The following ERC2 variants were observed in gnomAD, a reference collection of about 807,000 sequenced individuals.
ERC2 encodes the protein ELKS/RAB6-interacting/CAST family member 2, also known as ERC protein 2.
In ERC2, 42 loss-of-function variants were observed where a neutral mutation model predicts 114.8. That is an observed-to-expected ratio of 0.37 (90% CI 0.29 to 0.47). The LOEUF (loss-of-function observed/expected upper bound fraction) is 0.47. Among genes scored for constraint, ERC2 ranks in the 20% least tolerant of loss-of-function variants. ERC2 has a pLI of 0.99. For synonymous variants in ERC2, 454 were observed against 425.5 expected, an observed-to-expected ratio of 1.07 and a Z score of -0.82; for missense variants, 939 against 1,150.7, an observed-to-expected ratio of 0.82 and a Z score of 2.66.
chr3:56,065,835 G>C (rs1028726225), intron 7 of ERC2, among the ~76,000 whole-genome samples: 7 of 152,080 alleles, frequency 4.6e-5, no homozygotes, highest in Non-Finnish European at 1.0e-4. Flanking sequence ...TGCTGAGGAT[G>C]ATGGCTTCCA....
intron 14 of ERC2, among the ~76,000 whole-genome samples, chr3:55,832,739 C>T (rs371772081): frequency 1.1e-3 from 171 of 152,314 alleles, no homozygotes; most frequent in Non-Finnish European, 2.1e-3. Context: ...TCACCAGCAA[C>T]GGAACAAAGC....
intron 17 of ERC2, among the ~76,000 whole-genome samples, chr3:55,545,946 T>C (rs112546132): frequency 0.025 from 3,856 of 152,212 alleles, 83 homozygotes; most frequent in Middle Eastern, 0.058. Context: ...GTGCCTTCCT[T>C]AGGGTCCCTG....
chr3:55,610,186 T>C (rs1030252548), intron 17 of ERC2, among the ~76,000 whole-genome samples: 2 of 151,716 alleles, frequency 1.3e-5, no homozygotes, highest in Non-Finnish European at 2.9e-5. Flanking sequence ...AGGATATTCC[T>C]GGCCTCTACC....
chr3:55,681,334 A>G (rs996017879), intron 17 of ERC2, among the ~76,000 whole-genome samples: 4 of 152,244 alleles, frequency 2.6e-5, no homozygotes, highest in African/African-American at 9.6e-5. Context: ...GAGCCTTCCG[A>G]TGCTATTATG....
At chr3:55,670,445 G>A (rs1221836122) in intron 17 of ERC2, among the ~76,000 whole-genome samples, 1 of 152,214 alleles carries the variant, frequency 6.6e-6, no homozygotes, top group Non-Finnish European at 1.5e-5. Flanking sequence ...CCCTTCCCAT[G>A]AGGGGAGTTT....
chr3:56,290,189 G>C (rs1246744066), intron 3 of ERC2, among the ~76,000 whole-genome samples: 1 of 152,130 alleles, frequency 6.6e-6, no homozygotes, highest in Non-Finnish European at 1.5e-5. Flanking sequence ...TCCAAACATA[G>C]AGCAATGATG....
chr3:55,905,090 C>A (rs1424924494), intron 13 of ERC2, among the ~76,000 whole-genome samples: 1 of 152,122 alleles, frequency 6.6e-6, no homozygotes, highest in East Asian at 1.9e-4. Flanking sequence ...GTTTCACGTT[C>A]TTCTTTTTGA....
At chr3:55,714,653 G>GTATATATATA (rs2063973974) in intron 15 of ERC2, among the ~76,000 whole-genome samples, 2 of 68,016 alleles carry the variant, frequency 2.9e-5, no homozygotes, top group Non-Finnish European at 5.2e-5. Flanking sequence ...GTGTGTGTGT[G>GTATATATATA]TGTGTGTGTG....
intron 17 of ERC2, among the ~76,000 whole-genome samples, chr3:55,663,178 T>A (rs2148713213): frequency 6.6e-6 from 1 of 152,288 alleles, no homozygotes; most frequent in East Asian, 1.9e-4. Context: ...AGATTTGGAA[T>A]TAGACAATCG....
intron 17 of ERC2, among the ~76,000 whole-genome samples, chr3:55,571,355 T>G (rs904343663): frequency 6.6e-6 from 1 of 152,024 alleles, no homozygotes; most frequent in Non-Finnish European, 1.5e-5. Context: ...GTAAACAATT[T>G]TGACTTGGAG....
chr3:55,854,056 C>T (rs2061683901), intron 14 of ERC2, among the ~76,000 whole-genome samples: 2 of 152,160 alleles, frequency 1.3e-5, no homozygotes, highest in African/African-American at 2.4e-5. Context: ...GGGCCGATCA[C>T]CTGAGGTAAG....
At position 55,520,179 on chromosome 3, in the gene ERC2, G is replaced by A. The variant is rs191402236; in HGVS notation, c.*40-8903C>T. Among the ~76,000 whole-genome samples, 10 of 152,184 alleles carry A rather than the reference G, an allele frequency of 6.6e-5. 1 individual carries two copies. In the East Asian group the frequency reaches 1.9e-3, roughly 29 times the overall value. ...TCAAGAAACAAAAAGGCAGCCAGGC[G>A]CAGTGGCACACACCTGTAATCCTAG... On this transcript the variant is annotated intron_variant, in intron 17 of 17. Transcript: ENST00000288221.
chr3:56,186,633 G>A (rs904623223), intron 3 of ERC2, among the ~76,000 whole-genome samples: 2 of 152,082 alleles, frequency 1.3e-5, no homozygotes, highest in Non-Finnish European at 2.9e-5. Context: ...CTGCCTCCTG[G>A]GTTCAGGTGA....
intron 17 of ERC2, among the ~76,000 whole-genome samples, chr3:55,645,868 G>A (rs1226227003): frequency 6.6e-6 from 1 of 152,152 alleles, no homozygotes; most frequent in East Asian, 1.9e-4. Flanking sequence ...TCTACGGTTA[G>A]TACAAACTGG....
chr3:56,331,259 CTT>C (rs1323333299), intron 2 of ERC2, among the ~76,000 whole-genome samples: 6 of 152,132 alleles, frequency 3.9e-5, no homozygotes, highest in Non-Finnish European at 8.8e-5. Flanking sequence ...TTGTCTAAGT[CTT>C]TGATCTGCCT....
intron 3 of ERC2, among the ~76,000 whole-genome samples, chr3:56,213,399 C>A: frequency 6.6e-6 from 1 of 152,162 alleles, no homozygotes; most frequent in Non-Finnish European, 1.5e-5. Flanking sequence ...GTCCTACGCC[C>A]ACGGAGCCTC....
chr3:56,427,890 C>T (rs1269357190), intron 2 of ERC2, among the ~76,000 whole-genome samples: 1 of 152,140 alleles, frequency 6.6e-6, no homozygotes, highest in African/African-American at 2.4e-5. Flanking sequence ...TACAATTCAA[C>T]CCCCACAAAA....
chr3:55,729,861 A>C lies in ERC2; in HGVS notation c.2712+4910T>G, dbSNP rs971445370. ...GCAAAAAAAAAAAAAAAAAAAAAAA[A>C]AAAATTGTAAGCTACACAAGGAAGC... On this transcript the variant is annotated intron_variant, in intron 15 of 17. Transcript: ENST00000288221. 9.7e-4 allele frequency among the ~76,000 whole-genome samples: 141 copies of C among 145,704 alleles called. 3 individuals carry two copies. Among genetic ancestry groups the C allele is most frequent in the African/African-American group, 3.7e-3 (137 of 37,018 alleles).
intron 17 of ERC2, among the ~76,000 whole-genome samples, chr3:55,672,662 G>C (rs1490174392): frequency 6.6e-6 from 1 of 152,208 alleles, no homozygotes; most frequent in Non-Finnish European, 1.5e-5. Flanking sequence ...GGCAGTGTCA[G>C]CTCTTGGAAC....
Sources: gnomAD v4.1 joint callset for allele counts (sites outside exome capture counted in the v4.1 genomes callset) on GRCh38, gnomAD v4.1.1 for gene constraint, MANE v1.5 for transcripts, NCBI Gene and HGNC (gene_info 2026-07-23, HGNC 2026-07-21) for gene names.